Variants in ADGRD1 observed in about 807,000 individuals in gnomAD.
The protein encoded by ADGRD1 is G-protein coupled receptor 133.
A neutral mutation model predicts 113.4 loss-of-function variants in ADGRD1; 77 were observed. The observed-to-expected ratio is 0.68, with a 90% confidence interval of 0.57 to 0.82. The LOEUF is 0.82. ADGRD1 is among the 40% of genes least tolerant of loss of function. The probability of loss-of-function intolerance (pLI) is 0.00; values close to 1 mark genes in which losing one functional copy is unlikely to be tolerated. For synonymous variants in ADGRD1, 474 were observed against 475.0 expected, an observed-to-expected ratio of 1.00 and a Z score of 0.03; for missense variants, 1,036 against 1,139.1, an observed-to-expected ratio of 0.91 and a Z score of 1.30.
At chr12:131,137,435 T>C (rs1951116599) in intron 23 of ADGRD1, among the ~76,000 whole-genome samples, 1 of 152,242 alleles carries the variant, frequency 6.6e-6, no homozygotes, top group South Asian at 2.1e-4. Flanking sequence ...GGTGCTGCTC[T>C]GGGCCTGGCA....
At chr12:131,094,279 G>A (rs1887126285) in intron 15 of ADGRD1, among the ~76,000 whole-genome samples, 1 of 152,204 alleles carries the variant, frequency 6.6e-6, no homozygotes, top group South Asian at 2.1e-4. Flanking sequence ...AGTGGAGTGG[G>A]AGTGGGGTGG....
intron 2 of ADGRD1, among the ~76,000 whole-genome samples, chr12:130,963,990 G>A (rs1169939739): frequency 6.6e-6 from 1 of 152,128 alleles, no homozygotes; most frequent in Non-Finnish European, 1.5e-5. Context: ...TAGGCTCATT[G>A]TTGTTTAATA....
intron 13 of ADGRD1, among the ~76,000 whole-genome samples, chr12:131,068,581 A>G (rs1418872216): frequency 6.6e-6 from 1 of 152,182 alleles, no homozygotes; most frequent in Non-Finnish European, 1.5e-5. Flanking sequence ...ACCCCTGACT[A>G]TTCTCATGCG....
In ADGRD1 at chr12:131,074,073, A is replaced by T. The variant is rs193160159; in HGVS notation, c.1474-2728A>T. On this transcript the variant is annotated intron_variant, in intron 13 of 24. Coordinates refer to ENST00000261654, the MANE Select transcript of ADGRD1 (RefSeq NM_198827.5). ...ATTAACAGGCTATCATGAGTATCAA[A>T]TTTTTTTCTTCTCTCTGCATGTATC... Among the ~76,000 whole-genome samples the T allele has an allele frequency of 2.1e-3, 319 of 152,214 alleles. 1 individual carries two copies. Among genetic ancestry groups the T allele is most frequent in the African/African-American group, 7.3e-3 (302 of 41,546 alleles).
At chr12:130,986,372 G>C (rs1486613186) in intron 5 of ADGRD1, among the ~76,000 whole-genome samples, 1 of 152,044 alleles carries the variant, frequency 6.6e-6, no homozygotes, top group African/African-American at 2.4e-5. Flanking sequence ...TAAATGTATT[G>C]TTATAATATA....
At chr12:130,985,980 T>C (rs531691371) in intron 5 of ADGRD1, among the ~76,000 whole-genome samples, 2 of 152,222 alleles carry the variant, frequency 1.3e-5, no homozygotes, top group African/African-American at 4.8e-5. Flanking sequence ...TGTATTTTTA[T>C]TGGTCTATCT....
intron 15 of ADGRD1, among the ~76,000 whole-genome samples, chr12:131,098,297 A>G (rs948731033): frequency 2.0e-5 from 3 of 151,790 alleles, no homozygotes; most frequent in Admixed American, 2.0e-4. Flanking sequence ...ATGAAGGGAG[A>G]GGGTGGATGG....
intron 5 of ADGRD1, among the ~76,000 whole-genome samples, chr12:130,985,040 T>C (rs1873483473): frequency 6.6e-6 from 1 of 151,860 alleles, no homozygotes; most frequent in Non-Finnish European, 1.5e-5. Flanking sequence ...GCTCAGGTGA[T>C]CCTCCTACCT....
At chr12:131,123,290 C>T (rs992750550) in intron 20 of ADGRD1, among the ~76,000 whole-genome samples, 6 of 151,286 alleles carry the variant, frequency 4.0e-5, no homozygotes, top group Non-Finnish European at 7.4e-5. Flanking sequence ...GGTGATCCAC[C>T]CGCCTCGGCC....
At chr12:131,133,808 A>C (rs1382988999) in intron 21 of ADGRD1, among the ~76,000 whole-genome samples, 1 of 152,236 alleles carries the variant, frequency 6.6e-6, no homozygotes, top group Non-Finnish European at 1.5e-5. Context: ...CCAGGCAGGA[A>C]GAGGCAGTCA....
intron 14 of ADGRD1, among the ~76,000 whole-genome samples, chr12:131,080,676 A>G (rs1330982976): frequency 6.6e-6 from 1 of 152,146 alleles, no homozygotes; most frequent in East Asian, 1.9e-4. Flanking sequence ...GCTGGAGTGC[A>G]GTGGCATGGT....
At position 131,084,430 on chromosome 12, in the gene ADGRD1, G is replaced by A. The variant is rs1593184027; in HGVS notation, c.1548-110G>A. ...TGCATTCCTGGCGTGGCAGGTGTGG[G>A]CGCCGCCATGAGTTCACGGGGCCAT... On this transcript the variant is annotated intron_variant, in intron 14 of 24. Coordinates refer to ENST00000261654, the MANE Select transcript of ADGRD1 (RefSeq NM_198827.5). This position sits in a 1 kb window ranked among gnomAD's most constrained non-coding sequence, Gnocchi z 4.5. 1 of 1,182,408 alleles carries A rather than the reference G, an allele frequency of 8.5e-7. No homozygotes were observed. Among genetic ancestry groups the A allele is most frequent in the Non-Finnish European group, 1.2e-6 (1 of 813,844 alleles). The allele number at this position is 1,182,408 out of a possible 1,614,324, so 73.2% of individuals were successfully genotyped here.
At chr12:131,090,012 T>C (rs1210204373) in intron 15 of ADGRD1, among the ~76,000 whole-genome samples, 2 of 152,060 alleles carry the variant, frequency 1.3e-5, no homozygotes, top group Non-Finnish European at 2.9e-5. Flanking sequence ...TGTTTTTGTG[T>C]GTTGTGTGTT....
intron 4 of ADGRD1, 30 bp from the exon 5 acceptor site, chr12:130,981,852 CTG>C: frequency 6.5e-7 from 1 of 1,529,336 alleles, no homozygotes; most frequent in Non-Finnish European, 9.0e-7. Context: ...CCCCTGCTCT[CTG>C]TGAATAACTG....
chr12:131,018,581 G>A (rs981983274), intron 13 of ADGRD1, among the ~76,000 whole-genome samples: 3 of 152,148 alleles, frequency 2.0e-5, no homozygotes, highest in African/African-American at 4.8e-5. Context: ...AAACAATCCC[G>A]CTCTTCTATT....
chr12:131,019,422 C>A (rs1225067762), intron 13 of ADGRD1, among the ~76,000 whole-genome samples: 1 of 152,244 alleles, frequency 6.6e-6, no homozygotes, highest in Non-Finnish European at 1.5e-5. Flanking sequence ...CGGTCAGAAT[C>A]TGCAGTGTTC....
intron 12 of ADGRD1, among the ~76,000 whole-genome samples, chr12:131,013,852 T>C (rs1035026763): frequency 6.6e-6 from 1 of 152,238 alleles, no homozygotes; most frequent in African/African-American, 2.4e-5. Flanking sequence ...TGAGCATTTC[T>C]GCTCATCCAT....
At chr12:131,095,988 C>T (rs1054919493) in intron 15 of ADGRD1, among the ~76,000 whole-genome samples, 22 of 140,178 alleles carry the variant, frequency 1.6e-4, no homozygotes, top group African/African-American at 5.0e-4. Flanking sequence ...TCACGGCCAC[C>T]GTTCCCGCCT....
intron 15 of ADGRD1, among the ~76,000 whole-genome samples, chr12:131,089,394 C>G (rs867238077): frequency 2.0e-5 from 3 of 152,238 alleles, no homozygotes; most frequent in African/African-American, 7.2e-5. Flanking sequence ...GGCACCGGCC[C>G]CACTGGCTGC....
Sources: gnomAD v4.1 joint callset for allele counts (sites outside exome capture counted in the v4.1 genomes callset) on GRCh38, gnomAD v4.1.1 for gene constraint, Gnocchi (gnomAD v3.1) non-coding constraint, MANE v1.5 for transcripts, NCBI Gene and HGNC (gene_info 2026-07-23, HGNC 2026-07-21) for gene names.